GREM1: variants seen among roughly 807,000 people sequenced by gnomAD.
GREM1 encodes the protein gremlin-1.
Under a neutral mutation model 13.1 loss-of-function variants are expected in GREM1, and 6 were observed. That is an observed-to-expected ratio of 0.46 (90% confidence interval 0.25 to 0.91). The LOEUF (loss-of-function observed/expected upper bound fraction) is 0.91. Among genes scored for constraint, GREM1 ranks in the 40% least tolerant of loss-of-function variants. The pLI is 0.18. For synonymous variants in GREM1, 98 were observed against 93.7 expected, an observed-to-expected ratio of 1.05 and a Z score of -0.27; for missense variants, 185 against 233.9, an observed-to-expected ratio of 0.79 and a Z score of 1.36.
chr15:32,738,901 A>AAG lies in GREM1; in HGVS notation c.*7656_*7657insAG, dbSNP rs2055737496. Reference sequence around the variant, plus strand: ...CATGAGGATCACTTGAGCCCAGAAGATTGTACCACTGCACTCCAGCCTACA... The same window carrying AAG: ...CATGAGGATCACTTGAGCCCAGAAGAAGTTGTACCACTGCACTCCAGCCTACA... On this transcript the variant is annotated 3_prime_UTR_variant, in exon 2 of 2. Transcript: ENST00000651154. 1 of 152,162 alleles carries AAG rather than the reference A, an allele frequency of 6.6e-6. No individual in the cohort carries two copies. Among genetic ancestry groups the AAG allele is most frequent in the Non-Finnish European group, 1.5e-5 (1 of 68,046 alleles). 9.4% of individuals were successfully genotyped at this position (152,162 alleles called of 1,614,324 possible).
rs923888578 is a variant in GREM1 at position 32,740,744 on chromosome 15, G to A, written c.*9499G>A. 10 of 152,234 alleles carry A rather than the reference G, an allele frequency of 6.6e-5. No individual in the cohort carries two copies. Among genetic ancestry groups the A allele is most frequent in the African/African-American group, 2.2e-4 (9 of 41,536 alleles). 9.4% of individuals were successfully genotyped at this position (152,234 alleles called of 1,614,324 possible). A position where few individuals can be genotyped will look rare whatever the true frequency, so the allele number is the denominator to read the frequency against. On this transcript the variant is annotated 3_prime_UTR_variant, in exon 2 of 2. Transcript: ENST00000651154. ...ACATTCTGATCCAAGAAGCCCAAAGGTCATAAAAAAGTGATCCCAAAGCCT... is the reference window on the plus strand; with the variant it reads ...ACATTCTGATCCAAGAAGCCCAAAGATCATAAAAAAGTGATCCCAAAGCCT...
At chr15:32,728,680 G>C (rs999007143) in intron 1 of GREM1, among the ~76,000 whole-genome samples, 1 of 152,166 alleles carries the variant, frequency 6.6e-6, no homozygotes, top group African/African-American at 2.4e-5. Flanking sequence ...GTTGCACTTA[G>C]TGGTTATTAT....
At position 32,737,928 on chromosome 15, in the gene GREM1, C is replaced by CAAAAAAAAAAAAAAA. The variant is rs148936089; in HGVS notation, c.*6686_*6700dup. On this transcript the variant is annotated 3_prime_UTR_variant, in exon 2 of 2. Coordinates refer to ENST00000651154, the MANE Select transcript of GREM1 (RefSeq NM_013372.7). ...GGGCAACAAGAACAAAACTCTGTCT[C>CAAAAAAAAAAAAAAA]AAAAAAAAAAAAAAAAAGAAAAGAA... 2 of 36,666 alleles carry CAAAAAAAAAAAAAAA rather than the reference C, an allele frequency of 5.5e-5. No homozygotes were observed. The highest frequency in any genetic ancestry group is 9.4e-5 in the African/African-American group (1 of 10,646). The allele number at this position is 36,666 out of a possible 1,614,324, so 2.3% of individuals were successfully genotyped here.
intron 1 of GREM1, among the ~76,000 whole-genome samples, chr15:32,722,731 T>G (rs1486193217): frequency 2.0e-5 from 3 of 152,128 alleles, no homozygotes. Flanking sequence ...GGACCTGCTT[T>G]GAGAGTATGT....
chr15:32,718,062 G>A lies in GREM1; in HGVS notation c.-101G>A. On this transcript the variant is annotated 5_prime_UTR_variant, in exon 1 of 2. Coordinates refer to ENST00000651154, the MANE Select transcript of GREM1 (RefSeq NM_013372.7). ...GTGCACGGCCGCCGCGTCACTCTCG[G>A]TCCCGCTGACCCCGCGCCGAGCCCC... 1 of 1,200,708 alleles carries A rather than the reference G, an allele frequency of 8.3e-7. No homozygotes were observed. Among genetic ancestry groups the A allele is most frequent in the Non-Finnish European group, 1.0e-6 (1 of 957,394 alleles). 74.4% of individuals were successfully genotyped at this position (1,200,708 alleles called of 1,614,324 possible). A position where few individuals can be genotyped will look rare whatever the true frequency, so the allele number is the denominator to read the frequency against.
At chr15:32,720,081 GTGTGTGTGTGTGTC>G (rs1320848819) in intron 1 of GREM1, among the ~76,000 whole-genome samples, 6 of 151,688 alleles carry the variant, frequency 4.0e-5, no homozygotes, top group African/African-American at 1.5e-4. Context: ...ATGTGTGCGT[GTGTGTGTGTGTGTC>G]TGTGTGTGTG....
Position 32,735,011 on chromosome 15 carries a change from G to A in GREM1, c.*3766G>A, listed in dbSNP as rs1033561327. 3 of 152,596 alleles carry A rather than the reference G, an allele frequency of 2.0e-5. No individual in the cohort carries two copies. Among genetic ancestry groups the A allele is most frequent in the South Asian group, 2.1e-4 (1 of 4,810 alleles). The allele number at this position is 152,596 out of a possible 1,614,324, so 9.5% of individuals were successfully genotyped here. The stretch of plus-strand genomic sequence containing the variant: ...TCAGGGTGTTCCAGGGGAAAAGCAG[G>A]AGAAAGATTTGGGGCTCAGTAGAAG... On this transcript the variant is annotated 3_prime_UTR_variant, in exon 2 of 2. Coordinates refer to ENST00000651154, the MANE Select transcript of GREM1 (RefSeq NM_013372.7).
Position 32,737,053 on chromosome 15 carries a change from C to CA in GREM1, c.*5811dup, listed in dbSNP as rs2055705499. ...GATGTCCACCACACCTATAAATAAA[C>CA]AAACTACTGAAACTGATTCAAGAAA... On this transcript the variant is annotated 3_prime_UTR_variant, in exon 2 of 2. Transcript: ENST00000651154. 6.6e-6 allele frequency: 1 copy of CA among 152,118 alleles called. No individual in the cohort carries two copies. Among genetic ancestry groups the CA allele is most frequent in the Non-Finnish European group, 1.5e-5 (1 of 68,002 alleles). The allele number at this position is 152,118 out of a possible 1,614,324, so 9.4% of individuals were successfully genotyped here.
rs2055351666 is a variant in GREM1 at position 32,718,892 on chromosome 15, T to C, written c.-2+731T>C. ...ACGCACTCGCGGGCGCTCGCTTCTC[T>C]ACTCCAGCCTCTTCCCCGCCCCGCG... On this transcript the variant is annotated intron_variant, in intron 1 of 1. Transcript: ENST00000651154. The C allele has an allele frequency of 2.0e-5, 4 of 201,856 alleles. No individual in the cohort carries two copies. The South Asian group carries it at 3.3e-4, about 16-fold the overall frequency. 12.5% of individuals were successfully genotyped at this position (201,856 alleles called of 1,614,324 possible).
In GREM1 at chr15:32,732,254, T is replaced by G. The variant is rs7162202; in HGVS notation, c.*1009T>G. On this transcript the variant is annotated 3_prime_UTR_variant, in exon 2 of 2. Coordinates refer to ENST00000651154, the MANE Select transcript of GREM1 (RefSeq NM_013372.7). ...TAGGGGTGGGAATTAATCAAAAACC[T>G]CAGAGGCTGAAATTCCTAATACCTT... 74,115 of 236,964 alleles carry G rather than the reference T, an allele frequency of 0.31. 11,965 individuals carry two copies. The highest frequency in any genetic ancestry group is 0.38 in the African/African-American group (17,028 of 44,820). 14.7% of individuals were successfully genotyped at this position (236,964 alleles called of 1,614,324 possible).
At position 32,729,893 on chromosome 15, in the gene GREM1, A is replaced by G. The variant is rs183257520; in HGVS notation, c.-1-797A>G. 1.2e-3 allele frequency among the ~76,000 whole-genome samples: 181 copies of G among 152,358 alleles called. 3 individuals are homozygous for G. Among genetic ancestry groups the G allele is most frequent in the Admixed American group, 0.01 (156 of 15,310 alleles). ...ATCTGTGCCCAGTTTCAAGATGAGA[A>G]TAAGTGAGAGGTGAAGCCTCATGAG... On this transcript the variant is annotated intron_variant, in intron 1 of 1. Transcript: ENST00000651154.
rs2055767761 is a variant in GREM1, at chr15:32,742,174, T to C, written c.*10929T>C. On this transcript the variant is annotated 3_prime_UTR_variant, in exon 2 of 2. Transcript: ENST00000651154. ...TCTTTGTCCGGCTTTAGTATAAAGG[T>C]AATTCTGGCTTCATAAAATAAGTTA... 1 of 152,198 alleles carries C rather than the reference T, an allele frequency of 6.6e-6. No individual in the cohort carries two copies. The highest frequency in any genetic ancestry group is 1.5e-5 in the Non-Finnish European group (1 of 68,006). The allele number at this position is 152,198 out of a possible 1,614,324, so 9.4% of individuals were successfully genotyped here. A position where few individuals can be genotyped will look rare whatever the true frequency, so the allele number is the denominator to read the frequency against.
intron 1 of GREM1, among the ~76,000 whole-genome samples, chr15:32,723,816 C>G (rs1368961936): frequency 1.3e-5 from 2 of 152,134 alleles, no homozygotes; most frequent in Non-Finnish European, 2.9e-5. Context: ...AAATGAAACC[C>G]ATAGCATTCC....
Position 32,738,532 on chromosome 15 carries a change from A to G in GREM1, c.*7287A>G, listed in dbSNP as rs2055733627. ...AACATTGCTCTACAGATTCAATACA[A>G]TTCTTATCAAAATCCCAGGTGGCTT... On this transcript the variant is annotated 3_prime_UTR_variant, in exon 2 of 2. Coordinates refer to ENST00000651154, the MANE Select transcript of GREM1 (RefSeq NM_013372.7). The G allele has an allele frequency of 6.6e-6, 1 of 151,874 alleles. No individual in the cohort carries two copies. Among genetic ancestry groups the G allele is most frequent in the South Asian group, 2.1e-4 (1 of 4,836 alleles). The allele number at this position is 151,874 out of a possible 1,614,324, so 9.4% of individuals were successfully genotyped here. A position where few individuals can be genotyped will look rare whatever the true frequency, so the allele number is the denominator to read the frequency against.
Position 32,738,125 on chromosome 15 carries a change from A to AAAAAAAAAAAAAAAAAAAAAAC in GREM1, c.*6888_*6889insAAAAAAAAAAAAACAAAAAAAA. 2.5e-4 allele frequency: 7 copies of AAAAAAAAAAAAAAAAAAAAAAC among 27,966 alleles called. 3 individuals carry two copies. The highest frequency in any genetic ancestry group is 8.8e-4 in the Admixed American group (2 of 2,284). The allele number at this position is 27,966 out of a possible 1,614,324, so 1.7% of individuals were successfully genotyped here. ...AAAAAAAAAAAAAAAAAAAAAAAAAAAAAAAAAAGAAAAGAAAAAAGTCAT... is the reference window on the plus strand; with the variant it reads ...AAAAAAAAAAAAAAAAAAAAAAAAAAAAAAAAAAAAAAAAAAAAAAACAAAAAAAAGAAAAGAAAAAAGTCAT... On this transcript the variant is annotated 3_prime_UTR_variant, in exon 2 of 2. Transcript: ENST00000651154.
intron 1 of GREM1, among the ~76,000 whole-genome samples, chr15:32,720,016 C>T (rs2055378372): frequency 6.6e-6 from 1 of 152,120 alleles, no homozygotes; most frequent in African/African-American, 2.4e-5. Flanking sequence ...ATAAATGGCA[C>T]TGTCAAATTG....
chr15:32,718,566 C>A (rs1047809493), intron 1 of GREM1: 1 of 434,288 alleles, frequency 2.3e-6, no homozygotes, highest in Admixed American at 2.6e-5. Context: ...CCGCTGACTG[C>A]GCGGCGAGTT....
In GREM1 at chr15:32,744,986, A is replaced by T. The variant is rs1467484608; in HGVS notation, c.*13741A>T. On this transcript the variant is annotated 3_prime_UTR_variant, in exon 2 of 2. Coordinates refer to ENST00000651154, the MANE Select transcript of GREM1 (RefSeq NM_013372.7). ...TAAAATAAGAACAAAATGTACTTTG[A>T]CACACATCATTTTGTTTGGTTCTCA... 1 of 152,188 alleles carries T rather than the reference A, an allele frequency of 6.6e-6. No homozygotes were observed. Among genetic ancestry groups the T allele is most frequent in the Non-Finnish European group, 1.5e-5 (1 of 68,046 alleles). 9.4% of individuals were successfully genotyped at this position (152,188 alleles called of 1,614,324 possible).
chr15:32,723,523 A>G (rs1297767387), intron 1 of GREM1, among the ~76,000 whole-genome samples: 1 of 152,164 alleles, frequency 6.6e-6, no homozygotes, highest in Non-Finnish European at 1.5e-5. Flanking sequence ...GACATCTTAC[A>G]ATAAGTACTA....
Sources: allele counts gnomAD v4.1 joint callset (sites outside exome capture counted in the v4.1 genomes callset), GRCh38; gene constraint gnomAD v4.1.1; transcripts MANE v1.5; gene names NCBI Gene and HGNC (gene_info 2026-07-23, HGNC 2026-07-21).